Variants in RPS5 observed in about 807,000 individuals in gnomAD.
The protein encoded by RPS5 is ribosomal protein S5.
RPS5 carries 2 observed loss-of-function variants against 20.9 expected under a neutral mutation model. The ratio of observed to expected loss-of-function variants is 0.10; its 90% CI spans 0.04 to 0.30. RPS5 has a LOEUF of 0.30. RPS5 is among the 10% of genes least tolerant of loss of function. RPS5 has a pLI of 1.00. For synonymous variants in RPS5, 112 were observed against 105.8 expected (o/e 1.06, Z -0.36); for missense variants, 122 against 287.2 (o/e 0.42, Z 4.16).
chr19:58,388,278 T>C (rs1387454665), intron 2 of RPS5, 33 bp downstream of exon 2: 1 of 1,451,230 alleles, frequency 6.9e-7, no homozygotes, highest in Middle Eastern at 1.7e-4. Context: ...CCTTCCTGGC[T>C]GGGGGCGGAC....
intron 2 of RPS5, among the ~76,000 whole-genome samples, chr19:58,391,300 C>T (rs1009969140): frequency 1.3e-5 from 2 of 151,754 alleles, no homozygotes; most frequent in African/African-American, 4.8e-5. Context: ...TGCATGGTGG[C>T]GTGCACCTGT....
intron 4 of RPS5, chr19:58,393,728 G>T: frequency 4.2e-6 from 2 of 472,256 alleles, no homozygotes; most frequent in Non-Finnish European, 3.7e-6. Flanking sequence ...TACACTGTGT[G>T]TATATGTACT....
At chr19:58,393,841 C>T (rs761866057) in intron 4 of RPS5, 4 of 233,910 alleles carry the variant, frequency 1.7e-5, no homozygotes, top group South Asian at 2.3e-4. Context: ...GACCTACCCC[C>T]GTCGTCACCC....
chr19:58,394,247 T>C (rs555885859), intron 4 of RPS5: 12 of 517,362 alleles, frequency 2.3e-5, no homozygotes, highest in Non-Finnish European at 3.5e-5. Flanking sequence ...CCCGGCCGTC[T>C]AGCAGTTTGC....
intron 2 of RPS5, among the ~76,000 whole-genome samples, chr19:58,391,834 G>T (rs998719467): frequency 6.6e-6 from 1 of 152,098 alleles, no homozygotes; most frequent in African/African-American, 2.4e-5. Flanking sequence ...GCTGAGGCAG[G>T]AGAATTGCTT....
At chr19:58,388,435 C>G in intron 2 of RPS5, 190 bp downstream of exon 2, 1 of 586,208 alleles carries the variant, frequency 1.7e-6, no homozygotes, top group South Asian at 2.1e-5. Flanking sequence ...CAACTTCTGT[C>G]ATGAGAGGAC....
At position 58,393,477 on chromosome 19, in the gene RPS5, G is replaced by T; in HGVS notation, c.437G>T (p.Arg146Leu). ...RQAVDVSPLR[R>L]VNQAIWLLCT... Reference sequence around the variant, plus strand: ...GCTGTGGATGTGTCCCCCCTGCGCCGTGTGAACCAGGTGAGCCTGGGGCTT... The same window carrying T: ...GCTGTGGATGTGTCCCCCCTGCGCCTTGTGAACCAGGTGAGCCTGGGGCTT... The change falls in exon 4 of 6, where the codon CGT (arginine) becomes CTT (leucine). Residue 146 changes from arginine (R) to leucine (L), a missense_variant. Arg to Leu is a moderately radical substitution (Grantham distance 102). This residue lies in a region of RPS5 where 24 missense variants were observed against 36.7 expected (regional missense o/e 0.65). Coordinates refer to ENST00000196551, the MANE Select transcript of RPS5 (RefSeq NM_001009.4). 1.2e-6 allele frequency: 2 copies of T among 1,611,370 alleles called. No homozygotes were observed. Among genetic ancestry groups the T allele is most frequent in the Non-Finnish European group, 1.7e-6 (2 of 1,179,782 alleles).
At chr19:58,387,869 C>T in intron 1 of RPS5, 2 of 493,996 alleles carry the variant, frequency 4.0e-6, no homozygotes, top group Non-Finnish European at 7.3e-6. Flanking sequence ...ATCTGCTGAG[C>T]CATTATACCT....
intron 4 of RPS5, chr19:58,394,142 G>T (rs2122166047): frequency 8.3e-6 from 2 of 240,904 alleles, no homozygotes; most frequent in East Asian, 1.9e-4. Context: ...GTAGAGGTGG[G>T]GTTTCACCAA....
chr19:58,392,895 T>G, intron 2 of RPS5, 81 bp from the exon 3 acceptor site: 1 of 1,347,872 alleles, frequency 7.4e-7, no homozygotes, highest in Non-Finnish European at 1.0e-6. Context: ...AATGGGTACT[T>G]GATCTCTCCT....
intron 1 of RPS5, 111 bp from the exon 2 acceptor site, chr19:58,388,026 C>T: frequency 5.9e-6 from 4 of 683,558 alleles, no homozygotes; most frequent in Middle Eastern, 4.0e-4. Context: ...TCCTTTGCGA[C>T]CCCCCAGTTC....
At chr19:58,388,745 C>T (rs2052344500) in intron 2 of RPS5, among the ~76,000 whole-genome samples, 1 of 150,344 alleles carries the variant, frequency 6.7e-6, no homozygotes, top group Non-Finnish European at 1.5e-5. Flanking sequence ...CTGCCTCAGC[C>T]TCCTGAGTAG....
intron 2 of RPS5, among the ~76,000 whole-genome samples, chr19:58,392,583 C>T (rs2052370753): frequency 6.6e-6 from 1 of 151,692 alleles, no homozygotes; most frequent in Admixed American, 6.6e-5. Context: ...TAAGATGGCA[C>T]CACTGCACAC....
At position 58,393,229 on chromosome 19, in the gene RPS5, C is replaced by G. The variant is rs201157224; in HGVS notation, c.318+44C>G. On this transcript the variant is annotated intron_variant, in intron 3 of 5. Transcript: ENST00000196551. ...GTGAGGGCAGGCTGTGCCCTCAGTA[C>G]ACCCGAAAGCCCCACGGAGTGTATG... The G allele has an allele frequency of 2.5e-6, 4 of 1,612,602 alleles. No individual in the cohort carries two copies. The Middle Eastern group carries it at 4.9e-4, about 199-fold the overall frequency.
chr19:58,393,631 C>G, intron 4 of RPS5, 144 bp downstream of exon 4: 1 of 1,052,774 alleles, frequency 9.5e-7, no homozygotes, highest in Non-Finnish European at 1.3e-6. Context: ...GGATTCCCAC[C>G]CTGCATAGGG....
In RPS5 at chr19:58,389,588, G is replaced by A. The variant is rs183139213; in HGVS notation, c.108+1343G>A. Among the ~76,000 whole-genome samples the A allele has an allele frequency of 4.3e-3, 650 of 151,916 alleles. 8 individuals carry two copies. Among genetic ancestry groups the A allele is most frequent in the African/African-American group, 0.015 (636 of 41,450 alleles). On this transcript the variant is annotated intron_variant, in intron 2 of 5. Coordinates refer to ENST00000196551, the MANE Select transcript of RPS5 (RefSeq NM_001009.4). ...TCTTTCCTTCAGGGGTTTATTTCGG[G>A]GGGTCCAAAAACATTTTAAATATTA...
intron 2 of RPS5, chr19:58,388,641 T>G (rs1040878791): frequency 1.5e-3 from 185 of 122,120 alleles, no homozygotes; most frequent in Non-Finnish European, 2.0e-3. Flanking sequence ...CCGTAGTTTT[T>G]TTTTTTTTTT....
At chr19:58,388,108 G>A (rs747486708) in intron 1 of RPS5, 29 bp from the exon 2 acceptor site, 44 of 1,544,998 alleles carry the variant, frequency 2.8e-5, no homozygotes, top group Non-Finnish European at 3.9e-5. Context: ...GAGCTCTGAC[G>A]TTTTTTTCCT....
chr19:58,387,474 G>C (rs533406779), intron 1 of RPS5, 135 bp downstream of exon 1: 1 of 152,314 alleles, frequency 6.6e-6, no homozygotes, highest in South Asian at 2.1e-4. Context: ...AACGGGCGCG[G>C]GCCGAGTTAC....
Sources: allele counts gnomAD v4.1 joint callset (sites outside exome capture counted in the v4.1 genomes callset), GRCh38; gene constraint gnomAD v4.1.1; regional missense constraint gnomAD v4.1.1; transcripts MANE v1.5; gene names NCBI Gene and HGNC (gene_info 2026-07-23, HGNC 2026-07-21).